The following ACSBG1 variants were observed in gnomAD, a reference collection of about 807,000 sequenced individuals.
ACSBG1 encodes long-chain-fatty-acid--CoA ligase ACSBG1.
Under a neutral mutation model 80.2 loss-of-function variants are expected in ACSBG1, and 39 were observed. That is an observed-to-expected ratio of 0.49 (90% CI 0.38 to 0.64). ACSBG1 has a LOEUF of 0.64. ACSBG1 is among the 30% of genes least tolerant of loss of function. The pLI is 0.00. For missense variants in ACSBG1, 828 were observed against 966.4 expected (o/e 0.86, Z 1.90); for synonymous variants, 392 against 379.5 (o/e 1.03, Z -0.38).
At chr15:78,202,430 C>T (rs2075177784) in intron 2 of ACSBG1, among the ~76,000 whole-genome samples, 1 of 152,030 alleles carries the variant, frequency 6.6e-6, no homozygotes, top group South Asian at 2.1e-4. Flanking sequence ...AGGCTGGTCT[C>T]GATCTCCTGA....
At chr15:78,209,156 A>G in intron 1 of ACSBG1, 1 of 456,026 alleles carries the variant, frequency 2.2e-6, no homozygotes, top group Non-Finnish European at 4.4e-6. Flanking sequence ...TGCTTCTCAC[A>G]TTCAGCCTCA....
At chr15:78,215,770 GAAAGAAAGAAAGAAAGAGAA>G (rs2075306450) in intron 1 of ACSBG1, among the ~76,000 whole-genome samples, 2 of 149,412 alleles carry the variant, frequency 1.3e-5, no homozygotes, top group African/African-American at 5.0e-5. Flanking sequence ...AAGAAAGAAA[GAAAGAAAGAAAGAAAGAGAA>G]AGAAAGAGAG....
At chr15:78,213,889 T>G (rs1375791547) in intron 1 of ACSBG1, 4 of 152,316 alleles carry the variant, frequency 2.6e-5, no homozygotes, top group Admixed American at 2.0e-4. Flanking sequence ...GTTTTATTAG[T>G]AGTCGCATTT....
Position 78,215,756 on chromosome 15 carries a change from A to AAGAAAG in ACSBG1, c.132-7660_132-7655dup, listed in dbSNP as rs1406426446. On this transcript the variant is annotated intron_variant, in intron 1 of 13. Coordinates refer to ENST00000258873, the MANE Select transcript of ACSBG1 (RefSeq NM_015162.5). ...AAAGAAAGAAAGAAAGAAAGAAAGAAAGAAAGAAAGAAAGAAAGAAAGAAA... is the reference window on the plus strand; with the variant it reads ...AAAGAAAGAAAGAAAGAAAGAAAGAAAGAAAGAGAAAGAAAGAAAGAAAGAAAGAAA... Among the ~76,000 whole-genome samples the AAGAAAG allele has an allele frequency of 4.2e-4, 63 of 150,606 alleles. 1 individual carries two copies. The highest frequency in any genetic ancestry group is 1.5e-3 in the African/African-American group (60 of 40,978).
In ACSBG1 at chr15:78,172,939, A is replaced by G. The variant is rs145893912; in HGVS notation, c.2089+654T>C. ...CTCACCCCTAGAACCACGTGACTCCAGGCTGAACACTAGCAGGGCCTTGGT... is the reference window on the plus strand; with the variant it reads ...CTCACCCCTAGAACCACGTGACTCCGGGCTGAACACTAGCAGGGCCTTGGT... On this transcript the variant is annotated intron_variant, in intron 13 of 13. Transcript: ENST00000258873. The surrounding 1 kb of genome is among the most constrained non-coding windows in gnomAD (Gnocchi z 4.1). Among the ~76,000 whole-genome samples, 4 of 152,348 alleles carry G rather than the reference A, an allele frequency of 2.6e-5. No homozygotes were observed. The highest frequency in any genetic ancestry group is 7.2e-5 in the African/African-American group (3 of 41,582).
At position 78,234,512 on chromosome 15, in the gene ACSBG1, C is replaced by T. The variant is rs768307580; in HGVS notation, c.-11G>A. Reference sequence around the variant, plus strand: ...AGAATTGCGTGGCATCTGCCTCGGGCTTCCACTGAAGACAGCTCAGTCACC... The same window carrying T: ...AGAATTGCGTGGCATCTGCCTCGGGTTTCCACTGAAGACAGCTCAGTCACC... On this transcript the variant is annotated 5_prime_UTR_variant, in exon 1 of 14. Transcript: ENST00000258873. 1 of 1,595,364 alleles carries T rather than the reference C, an allele frequency of 6.3e-7. No individual in the cohort carries two copies. The highest frequency in any genetic ancestry group is 1.7e-5 in the Admixed American group (1 of 59,538).
rs748070411 is a variant in ACSBG1 at position 78,208,004 on chromosome 15, G to C, written c.230C>G (p.Pro77Arg). 24 of 1,597,654 alleles carry C rather than the reference G, an allele frequency of 1.5e-5. No individual in the cohort carries two copies. The highest frequency in any genetic ancestry group is 2.1e-5 in the Non-Finnish European group (24 of 1,170,196). Reference protein sequence around the residue: ...EKVNNAQWDAPEEALWTTRAD... With the variant: ...EKVNNAQWDAREEALWTTRAD... Reference sequence around the variant, plus strand: ...CCTACCACCCCCAGCTGGCTTACCTGGAGCATCCCACTGGGCATTATTCAC... The same window carrying C: ...CCTACCACCCCCAGCTGGCTTACCTCGAGCATCCCACTGGGCATTATTCAC... The change falls in exon 2 of 14, where the codon CCA (proline) becomes CGA (arginine). Residue 77 changes from proline to arginine, a missense_variant and splice_region_variant. Pro to Arg is a moderately radical substitution (Grantham distance 103). This residue lies in a region of ACSBG1 where 356 missense variants were observed against 363.5 expected (regional missense o/e 0.98). Transcript: ENST00000258873.
chr15:78,217,911 C>T (rs896659162), intron 1 of ACSBG1, among the ~76,000 whole-genome samples: 2 of 152,068 alleles, frequency 1.3e-5, no homozygotes, highest in Non-Finnish European at 2.9e-5. Flanking sequence ...AAATCGTAAT[C>T]CAGGTGTTTT....
intron 1 of ACSBG1, among the ~76,000 whole-genome samples, chr15:78,215,718 A>AAG (rs1446755238): frequency 4.4e-5 from 6 of 134,842 alleles, no homozygotes; most frequent in African/African-American, 1.7e-4. Context: ...GAGAGAAAGA[A>AAG]AGAAAGAGAA....
At chr15:78,227,093 G>A (rs1460189023) in intron 1 of ACSBG1, among the ~76,000 whole-genome samples, 1 of 150,782 alleles carries the variant, frequency 6.6e-6, no homozygotes, top group African/African-American at 2.4e-5. Flanking sequence ...GGTGCCACAC[G>A]CCTGTAGTCC....
At chr15:78,183,519 G>A (rs1157756086) in intron 5 of ACSBG1, among the ~76,000 whole-genome samples, 1 of 152,220 alleles carries the variant, frequency 6.6e-6, no homozygotes, top group African/African-American at 2.4e-5. Context: ...AGAGGTTGCA[G>A]TGAGCCGAGA....
chr15:78,193,413 G>A (rs2075075506), intron 5 of ACSBG1, 93 bp downstream of exon 5: 1 of 1,517,794 alleles, frequency 6.6e-7, no homozygotes, highest in Non-Finnish European at 8.9e-7. Flanking sequence ...AGGACACTCT[G>A]GATGGAGGGC....
At position 78,177,935 on chromosome 15, in the gene ACSBG1, T is replaced by C. The variant is rs376382325; in HGVS notation, c.1702+679A>G. On this transcript the variant is annotated intron_variant, in intron 11 of 13. Coordinates refer to ENST00000258873, the MANE Select transcript of ACSBG1 (RefSeq NM_015162.5). This position sits in a 1 kb window ranked among gnomAD's most constrained non-coding sequence, Gnocchi z 4.1. ...GAAGTTTGTCTTATTTTAAATTTTATATCCAATTTGCATTCTATTCCCCAT... is the reference window on the plus strand; with the variant it reads ...GAAGTTTGTCTTATTTTAAATTTTACATCCAATTTGCATTCTATTCCCCAT... Among the ~76,000 whole-genome samples the C allele has an allele frequency of 7.2e-5, 11 of 152,330 alleles. No homozygotes were observed. In the East Asian group the frequency reaches 1.7e-3, roughly 24 times the overall value.
chr15:78,174,737 TC>T (rs1351750194), intron 11 of ACSBG1: 1 of 567,836 alleles, frequency 1.8e-6, no homozygotes, highest in Non-Finnish European at 3.1e-6. Flanking sequence ...CACCCAAGTT[TC>T]CCTCTCCTCG....
At chr15:78,215,794 A>G (rs2075308027) in intron 1 of ACSBG1, among the ~76,000 whole-genome samples, 2 of 151,620 alleles carry the variant, frequency 1.3e-5, no homozygotes, top group South Asian at 4.2e-4. Context: ...AAGAGAAAGA[A>G]AGAGAGAAAG....
intron 5 of ACSBG1, among the ~76,000 whole-genome samples, chr15:78,187,147 A>G (rs2075012307): frequency 6.6e-6 from 1 of 152,252 alleles, no homozygotes. Flanking sequence ...CTCTGAATAG[A>G]CCAATAACAG....
chr15:78,200,062 C>G (rs749420818), intron 2 of ACSBG1, among the ~76,000 whole-genome samples: 4 of 152,280 alleles, frequency 2.6e-5, no homozygotes, highest in Admixed American at 6.5e-5. Context: ...TGTTTAAAAT[C>G]TTGATGGACA....
At chr15:78,186,822 T>C (rs1179099376) in intron 5 of ACSBG1, among the ~76,000 whole-genome samples, 1 of 151,898 alleles carries the variant, frequency 6.6e-6, no homozygotes, top group East Asian at 1.9e-4. Context: ...ATAACTAAAA[T>C]CAAAGCAGAA....
intron 2 of ACSBG1, among the ~76,000 whole-genome samples, chr15:78,205,301 A>T (rs1263482345): frequency 6.6e-6 from 1 of 152,096 alleles, no homozygotes; most frequent in East Asian, 1.9e-4. Context: ...TGGGGACCAG[A>T]GCTCAGGACC....
Sources: allele counts gnomAD v4.1 joint callset (sites outside exome capture counted in the v4.1 genomes callset), GRCh38; gene constraint gnomAD v4.1.1; regional missense constraint gnomAD v4.1.1; non-coding constraint Gnocchi (gnomAD v3.1); transcripts MANE v1.5; gene names NCBI Gene and HGNC (gene_info 2026-07-23, HGNC 2026-07-21).